DHRS4L2: variants seen among roughly 807,000 people sequenced by gnomAD.
The protein encoded by DHRS4L2 is dehydrogenase/reductase SDR family member 4-like 2.
In DHRS4L2, 22 loss-of-function variants were observed where a neutral mutation model predicts 23.9. The observed-to-expected ratio is 0.92, with a 90% CI of 0.66 to 1.31. DHRS4L2 has a LOEUF of 1.31. Among genes scored for constraint, DHRS4L2 ranks in the 40% most tolerant of loss-of-function variants. The pLI is 0.00. For synonymous variants in DHRS4L2, 141 were observed against 123.7 expected (o/e 1.14, Z -0.93); for missense variants, 385 against 303.3 (o/e 1.27, Z -2.00).
In DHRS4L2 at chr14:23,994,160, A is replaced by G. The variant is rs2034328575; in HGVS notation, c.307-872A>G. Among the ~76,000 whole-genome samples the G allele has an allele frequency of 2.0e-5, 3 of 151,876 alleles. No homozygotes were observed. In the South Asian group the frequency reaches 6.3e-4, roughly 32 times the overall value. ...TCTATTTAAGCCAGTTTTTCCATTCAGGTAAGTGTGGACAGATTGACTTTG... is the reference window on the plus strand; with the variant it reads ...TCTATTTAAGCCAGTTTTTCCATTCGGGTAAGTGTGGACAGATTGACTTTG... On this transcript the variant is annotated intron_variant, in intron 2 of 7. Coordinates refer to ENST00000335125, the MANE Select transcript of DHRS4L2 (RefSeq NM_198083.4).
chr14:23,985,515 GATGA>G (rs914201502), upstream of DHRS4L2, among the ~76,000 whole-genome samples: 4 of 151,456 alleles, frequency 2.6e-5, no homozygotes, highest in African/African-American at 9.7e-5. Flanking sequence ...ATCCATCCCA[GATGA>G]ATTCTCTTCT....
At chr14:23,973,294 A>C (rs1186058683) in intron 1 of DHRS4L2, among the ~76,000 whole-genome samples, 1 of 151,958 alleles carries the variant, frequency 6.6e-6, no homozygotes, top group East Asian at 1.9e-4. Flanking sequence ...TGTGCCGCCA[A>C]GGCCACACCC....
At chr14:23,977,578 C>G (rs965593676) in intron 1 of DHRS4L2, among the ~76,000 whole-genome samples, 1 of 151,678 alleles carries the variant, frequency 6.6e-6, no homozygotes, top group African/African-American at 2.4e-5. Context: ...AATTTAAAAG[C>G]TGTGGGAACC....
chr14:24,004,038 A>G (rs1249308616), intron 6 of DHRS4L2, among the ~76,000 whole-genome samples: 12 of 128,934 alleles, frequency 9.3e-5, no homozygotes, highest in Non-Finnish European at 1.4e-4. Flanking sequence ...TGGGAGGCCG[A>G]GGCGGGCAGA....
At chr14:23,996,743 C>T (rs1453053313) in intron 3 of DHRS4L2, among the ~76,000 whole-genome samples, 18 of 149,496 alleles carry the variant, frequency 1.2e-4, no homozygotes, top group South Asian at 4.2e-4. Context: ...CAGGTTCAAG[C>T]GATTCTTGTG....
intron 1 of DHRS4L2, 52 bp from the exon 2 acceptor site, chr14:23,990,130 G>C (rs367608971): frequency 5.0e-6 from 8 of 1,600,438 alleles, no homozygotes; most frequent in Middle Eastern, 1.7e-4. Context: ...CCATGCTGTC[G>C]ACCTCTTCCC....
At chr14:23,986,925 C>CA (rs2034156976), upstream of DHRS4L2, among the ~76,000 whole-genome samples, 2 of 151,598 alleles carry the variant, frequency 1.3e-5, no homozygotes, top group Non-Finnish European at 2.9e-5. Flanking sequence ...TCATGAGGCT[C>CA]AGACTGAGGA....
intron 2 of DHRS4L2, among the ~76,000 whole-genome samples, chr14:23,994,125 T>G (rs1296137113): frequency 6.6e-6 from 1 of 151,832 alleles, no homozygotes; most frequent in Non-Finnish European, 1.5e-5. Flanking sequence ...CCAGGGTAAC[T>G]TTCTTCAGCT....
chr14:23,988,943 G>C lies in DHRS4L2; in HGVS notation c.-5G>C. The C allele has an allele frequency of 2.5e-6, 4 of 1,611,858 alleles. No individual in the cohort carries two copies. Among genetic ancestry groups the C allele is most frequent in the South Asian group, 1.1e-5 (1 of 90,840 alleles). On this transcript the variant is annotated 5_prime_UTR_variant, in exon 1 of 8. Coordinates refer to ENST00000335125, the MANE Select transcript of DHRS4L2 (RefSeq NM_198083.4). Reference sequence around the variant, plus strand: ...GAGTGGAACCCAGACTTGCTGGTCTGATCCATGCAGATGGCCAGGCTGCTA... The same window carrying C: ...GAGTGGAACCCAGACTTGCTGGTCTCATCCATGCAGATGGCCAGGCTGCTA...
upstream of DHRS4L2, chr14:23,988,874 CT>C: frequency 1.3e-6 from 2 of 1,557,088 alleles, no homozygotes; most frequent in South Asian, 2.3e-5. Flanking sequence ...GCGGCCCGCC[CT>C]TCGTCCTGCC....
At chr14:23,985,557 G>A (rs1449813903), upstream of DHRS4L2, among the ~76,000 whole-genome samples, 1 of 151,540 alleles carries the variant, frequency 6.6e-6, no homozygotes, top group Non-Finnish European at 1.5e-5. Context: ...TGAAAAGGAT[G>A]AGAGTAGAGC....
chr14:23,999,146 T>C (rs1384912984), intron 3 of DHRS4L2, among the ~76,000 whole-genome samples: 2 of 145,062 alleles, frequency 1.4e-5, no homozygotes, highest in Non-Finnish European at 3.0e-5. Flanking sequence ...TTTCTGGGTG[T>C]GGTTTGTGGT....
chr14:23,992,565 G>C (rs2034291843), intron 2 of DHRS4L2, among the ~76,000 whole-genome samples: 1 of 151,266 alleles, frequency 6.6e-6, no homozygotes, highest in African/African-American at 2.4e-5. Context: ...AACCAGAGTA[G>C]CTGCCTATCT....
intron 1 of DHRS4L2, among the ~76,000 whole-genome samples, chr14:23,982,299 C>T (rs1249578950): frequency 6.6e-6 from 1 of 151,664 alleles, no homozygotes; most frequent in African/African-American, 2.4e-5. Context: ...TCCTGCACAG[C>T]CCTAGATCCC....
chr14:24,001,981 A>T (rs368546331), intron 6 of DHRS4L2, among the ~76,000 whole-genome samples: 1,139 of 10,188 alleles, frequency 0.11, no homozygotes, highest in Middle Eastern at 0.21. Context: ...TTTCTTTTTT[A>T]ATTATTATTA....
At chr14:23,984,317 A>C (rs2034103215), upstream of DHRS4L2, among the ~76,000 whole-genome samples, 1 of 151,734 alleles carries the variant, frequency 6.6e-6, no homozygotes, top group Admixed American at 6.6e-5. Flanking sequence ...TTATTTTTAT[A>C]ATTTAATGAA....
At chr14:23,983,891 G>A (rs1468397154), upstream of DHRS4L2, among the ~76,000 whole-genome samples, 1 of 151,486 alleles carries the variant, frequency 6.6e-6, no homozygotes, top group Non-Finnish European at 1.5e-5. Context: ...GGTTTATAGG[G>A]GGCTGGGGAA....
intron 2 of DHRS4L2, among the ~76,000 whole-genome samples, chr14:23,994,785 C>A (rs1482791186): frequency 2.0e-5 from 3 of 151,738 alleles, no homozygotes; most frequent in Non-Finnish European, 4.4e-5. Context: ...GACAATAGTT[C>A]TTAAGAATGA....
At chr14:23,995,203 A>G in intron 3 of DHRS4L2, 70 bp downstream of exon 3, 1 of 1,551,340 alleles carries the variant, frequency 6.4e-7, no homozygotes, top group Non-Finnish European at 8.9e-7. Context: ...ATCTGCTTTT[A>G]GAATGCATTT....
Sources: allele counts gnomAD v4.1 joint callset (sites outside exome capture counted in the v4.1 genomes callset), GRCh38; gene constraint gnomAD v4.1.1; transcripts MANE v1.5; gene names NCBI Gene and HGNC (gene_info 2026-07-23, HGNC 2026-07-21).